DTD1: variants seen among roughly 807,000 people sequenced by gnomAD.
DTD1 encodes D-aminoacyl-tRNA deacylase 1.
A neutral mutation model predicts 25.6 loss-of-function variants in DTD1; 13 were observed. The observed-to-expected ratio is 0.51, with a 90% CI of 0.33 to 0.81. The LOEUF (loss-of-function observed/expected upper bound fraction) is 0.81. Ranked by LOEUF, DTD1 falls within the 30% of genes least tolerant of loss-of-function variation. DTD1 has a pLI of 0.02. For missense variants in DTD1, 193 were observed against 266.4 expected (o/e 0.72, Z 1.92); for synonymous variants, 110 against 103.6 (o/e 1.06, Z -0.37).
intron 4 of DTD1, among the ~76,000 whole-genome samples, chr20:18,726,012 C>A (rs894438562): frequency 6.6e-6 from 1 of 152,216 alleles, no homozygotes; most frequent in African/African-American, 2.4e-5. Flanking sequence ...CAACTGGCAT[C>A]TTTGTGTGTG....
intron 4 of DTD1, among the ~76,000 whole-genome samples, chr20:18,737,484 C>T (rs1181378697): frequency 6.6e-6 from 1 of 152,228 alleles, no homozygotes; most frequent in African/African-American, 2.4e-5. Context: ...CACCTGAGGG[C>T]TTGGTCCTGA....
chr20:18,620,388 C>G (rs1045564403), intron 3 of DTD1, among the ~76,000 whole-genome samples: 5 of 152,184 alleles, frequency 3.3e-5, no homozygotes, highest in Non-Finnish European at 5.9e-5. Context: ...ATTTCACTTC[C>G]TAACCCCAAC....
intron 4 of DTD1, among the ~76,000 whole-genome samples, chr20:18,699,793 C>T (rs2122456225): frequency 6.6e-6 from 1 of 152,174 alleles, no homozygotes; most frequent in East Asian, 1.9e-4. Flanking sequence ...TGTGTGTACA[C>T]ATATGTATCT....
At chr20:18,748,803 G>A (rs1040130878) in intron 5 of DTD1, among the ~76,000 whole-genome samples, 4 of 152,102 alleles carry the variant, frequency 2.6e-5, no homozygotes, top group African/African-American at 4.8e-5. Flanking sequence ...TCCTTCTCAC[G>A]GTAGTGCAGA....
intron 5 of DTD1, among the ~76,000 whole-genome samples, chr20:18,758,701 A>C (rs7409697): frequency 1.1e-4 from 17 of 151,942 alleles, no homozygotes; most frequent in Non-Finnish European, 1.9e-4. Context: ...TATGTGGTCA[A>C]TTTTGGAATA....
At chr20:18,628,614 G>A (rs1035095821) in intron 4 of DTD1, among the ~76,000 whole-genome samples, 1 of 152,184 alleles carries the variant, frequency 6.6e-6, no homozygotes, top group Admixed American at 6.5e-5. Context: ...TTGGTCCCAG[G>A]TGTGGATAGA....
rs952532850 is a variant in DTD1 at position 18,588,932 on chromosome 20, G to A, written c.43+817G>A. 4.3e-6 allele frequency: 4 copies of A among 933,110 alleles called. No homozygotes were observed. The African/African-American group carries it at 7.1e-5, about 17-fold the overall frequency. 57.8% of individuals were successfully genotyped at this position (933,110 alleles called of 1,614,324 possible). A position where few individuals can be genotyped will look rare whatever the true frequency, so the allele number is the denominator to read the frequency against. ...ACATTTAAATGACAAGCTTTATATT[G>A]TCTTTAGTCTTTTCTGTCTTTATTG... is the stretch of plus-strand genomic sequence containing the variant. On this transcript the variant is annotated intron_variant, in intron 1 of 5. Coordinates refer to ENST00000377452, the MANE Select transcript of DTD1 (RefSeq NM_080820.6).
At chr20:18,686,537 A>G (rs920486756) in intron 4 of DTD1, among the ~76,000 whole-genome samples, 2 of 152,114 alleles carry the variant, frequency 1.3e-5, no homozygotes, top group African/African-American at 4.8e-5. Context: ...CCAATATTGT[A>G]TATGCTTTAA....
intron 4 of DTD1, among the ~76,000 whole-genome samples, chr20:18,723,704 T>C (rs1469623712): frequency 3.3e-5 from 5 of 152,250 alleles, no homozygotes; most frequent in Admixed American, 3.3e-4. Flanking sequence ...CAGGTGAATT[T>C]ACATACCTCA....
intron 4 of DTD1, chr20:18,631,386 G>A: frequency 2.0e-6 from 2 of 985,714 alleles, no homozygotes; most frequent in Non-Finnish European, 2.4e-6. Flanking sequence ...AGACTGACCT[G>A]GGCTTTGGAG....
chr20:18,645,165 A>G (rs1172950743), intron 4 of DTD1, among the ~76,000 whole-genome samples: 3 of 152,312 alleles, frequency 2.0e-5, no homozygotes, highest in East Asian at 1.9e-4. Flanking sequence ...CAACCGATCA[A>G]TGAATCAATC....
intron 4 of DTD1, among the ~76,000 whole-genome samples, chr20:18,700,718 C>G (rs1325634168): frequency 1.3e-5 from 2 of 152,118 alleles, no homozygotes; most frequent in South Asian, 2.1e-4. Context: ...GTGGAGGTGG[C>G]AGTCAGGGCT....
At chr20:18,661,362 T>TC (rs1197177238) in intron 4 of DTD1, among the ~76,000 whole-genome samples, 1 of 142,486 alleles carries the variant, frequency 7.0e-6, no homozygotes, top group Admixed American at 7.9e-5. Context: ...CTGTGTTGAG[T>TC]CTTCTAGTCT....
intron 4 of DTD1, among the ~76,000 whole-genome samples, chr20:18,663,754 A>C (rs1243557031): frequency 6.6e-6 from 1 of 152,222 alleles, no homozygotes; most frequent in Admixed American, 6.5e-5. Flanking sequence ...AGGCCTCATG[A>C]AACTTATAAT....
intron 4 of DTD1, among the ~76,000 whole-genome samples, chr20:18,723,275 A>G (rs1428427670): frequency 6.6e-6 from 1 of 152,244 alleles, no homozygotes; most frequent in Non-Finnish European, 1.5e-5. Context: ...GGCAGGAGAC[A>G]GGAGGAGTGC....
chr20:18,633,185 G>A (rs1258404768), intron 4 of DTD1, among the ~76,000 whole-genome samples: 2 of 152,098 alleles, frequency 1.3e-5, no homozygotes. Context: ...AGGCCTAAGT[G>A]ACCAGGCGTC....
intron 4 of DTD1, among the ~76,000 whole-genome samples, chr20:18,655,973 G>A (rs529072440): frequency 6.6e-6 from 1 of 152,234 alleles, no homozygotes; most frequent in Non-Finnish European, 1.5e-5. Context: ...GTTTCACCAT[G>A]TTGGCCAGGC....
intron 3 of DTD1, among the ~76,000 whole-genome samples, chr20:18,600,368 C>G (rs1258561016): frequency 6.6e-6 from 1 of 152,050 alleles, no homozygotes; most frequent in African/African-American, 2.4e-5. Flanking sequence ...ACCCCTTGCT[C>G]CATTGTATTG....
At chr20:18,641,961 C>G (rs926641160) in intron 4 of DTD1, among the ~76,000 whole-genome samples, 6 of 152,078 alleles carry the variant, frequency 3.9e-5, no homozygotes, top group African/African-American at 1.2e-4. Flanking sequence ...GAAGCTTTTT[C>G]TTTATGTTTT....
Sources: allele counts gnomAD v4.1 joint callset (sites outside exome capture counted in the v4.1 genomes callset), GRCh38; gene constraint gnomAD v4.1.1; transcripts MANE v1.5; gene names NCBI Gene and HGNC (gene_info 2026-07-23, HGNC 2026-07-21).